The following ANKHD1 variants were observed in gnomAD, a reference collection of about 807,000 sequenced individuals.
The protein encoded by ANKHD1 is ankyrin repeat and KH domain-containing protein 1.
A neutral mutation model predicts 230.5 loss-of-function variants in ANKHD1; 31 were observed. That is an observed-to-expected ratio of 0.13 (90% CI 0.10 to 0.18). ANKHD1 has a LOEUF of 0.18. ANKHD1 is among the 10% of genes least tolerant of loss of function. ANKHD1 has a pLI of 1.00. For synonymous variants in ANKHD1, 1,074 were observed against 1,117.6 expected (o/e 0.96, Z 0.78); for missense variants, 2,256 against 3,071.3 (o/e 0.73, Z 6.27).
intron 15 of ANKHD1, among the ~76,000 whole-genome samples, chr5:140,503,153 TTTTC>T (rs1752378499): frequency 6.6e-6 from 1 of 152,160 alleles, no homozygotes; most frequent in African/African-American, 2.4e-5. Context: ...ATGCTTACAT[TTTTC>T]TTTAAGTCCT....
intron 10 of ANKHD1, among the ~76,000 whole-genome samples, chr5:140,480,748 C>T (rs2127011642): frequency 6.6e-6 from 1 of 152,104 alleles, no homozygotes; most frequent in Admixed American, 6.5e-5. Flanking sequence ...GGAAGATTTG[C>T]AAGTTCAGTT....
In ANKHD1 at chr5:140,464,734, T is replaced by G. The variant is rs1581290960; in HGVS notation, c.1740T>G (p.His580Gln). 5.6e-6 allele frequency: 9 copies of G among 1,609,530 alleles called. No individual in the cohort carries two copies. The highest frequency in any genetic ancestry group is 7.6e-6 in the Non-Finnish European group (9 of 1,176,594). ...TAACCTATGCTTGTGAAAATGGACATACGGATGTTGCAGATGTTTTACTTC... is the reference window on the plus strand; with the variant it reads ...TAACCTATGCTTGTGAAAATGGACAGACGGATGTTGCAGATGTTTTACTTC... ...TALTYACENG[H>Q]TDVADVLLQA... is the part of the protein sequence containing the mutation. Residue 580 changes from histidine to glutamine, a missense_variant, in exon 10 of 34, where the codon CAT becomes CAG. By Grantham distance (24) the His-to-Gln change is conservative (BLOSUM62 0). This residue lies in a region of ANKHD1 where 179 missense variants were observed against 261.8 expected (regional missense o/e 0.68). Transcript: ENST00000360839.
intron 5 of ANKHD1, among the ~76,000 whole-genome samples, chr5:140,442,111 C>T (rs1233424337): frequency 7.0e-6 from 1 of 142,322 alleles, no homozygotes; most frequent in Non-Finnish European, 1.5e-5. Context: ...ACGATCTTGG[C>T]TCACTGCAAC....
chr5:140,519,909 A>G (rs1481329083), intron 24 of ANKHD1, among the ~76,000 whole-genome samples: 2 of 152,032 alleles, frequency 1.3e-5, no homozygotes, highest in African/African-American at 4.8e-5. Context: ...AATGGCAACA[A>G]AAGCCAAAAT....
rs545582742 is a variant in ANKHD1 at position 140,428,660 on chromosome 5, A to C, written c.307-7444A>C. Among the ~76,000 whole-genome samples the C allele has an allele frequency of 3.9e-5, 6 of 152,232 alleles. No homozygotes were observed. The South Asian group carries it at 6.2e-4, about 16-fold the overall frequency. ...GGAGAGGGAGACCGTGGGGAGAGGG[A>C]GAGGGCGAGGGCGAGGGCGAGGTCC... On this transcript the variant is annotated intron_variant, in intron 1 of 33. Transcript: ENST00000360839.
intron 1 of ANKHD1, among the ~76,000 whole-genome samples, chr5:140,413,371 G>T (rs1187692479): frequency 6.6e-6 from 1 of 152,046 alleles, no homozygotes; most frequent in Non-Finnish European, 1.5e-5. Context: ...CACTGTACAT[G>T]TATGTTAAAT....
chr5:140,412,960 C>G (rs994529094), intron 1 of ANKHD1, among the ~76,000 whole-genome samples: 27 of 152,186 alleles, frequency 1.8e-4, no homozygotes, highest in Non-Finnish European at 3.4e-4. Context: ...ACAAAGTTTT[C>G]CACTTACTGA....
intron 1 of ANKHD1, among the ~76,000 whole-genome samples, chr5:140,404,198 G>A (rs909909295): frequency 2.0e-5 from 3 of 152,168 alleles, no homozygotes; most frequent in Admixed American, 1.3e-4. Context: ...AAACGTGAGA[G>A]ATTAAGCTAG....
chr5:140,455,577 C>A (rs1419135636), intron 7 of ANKHD1, among the ~76,000 whole-genome samples: 1 of 152,176 alleles, frequency 6.6e-6, no homozygotes. Context: ...AATCAATAAA[C>A]GTAATCCAGC....
rs1306359179 is a variant in ANKHD1 at position 140,441,865 on chromosome 5, G to A, written c.913+723G>A. 2.0e-5 allele frequency among the ~76,000 whole-genome samples: 3 copies of A among 151,720 alleles called. No individual in the cohort carries two copies. The East Asian group carries it at 5.8e-4, about 29-fold the overall frequency. On this transcript the variant is annotated intron_variant, in intron 5 of 33. Transcript: ENST00000360839. ...CTATATATGTATCTTATAACAACAT[G>A]TCATATACCTTATGTATGTAATATA...
Position 140,509,707 on chromosome 5 carries a change from A to G in ANKHD1, c.3836A>G (p.Lys1279Arg). 6.2e-7 allele frequency: 1 copy of G among 1,613,178 alleles called. No individual in the cohort carries two copies. The highest frequency in any genetic ancestry group is 8.5e-7 in the Non-Finnish European group (1 of 1,179,754). Residue 1279 changes from lysine (K) to arginine (R), a missense_variant, in exon 21 of 34, where the codon AAA (lysine) becomes AGA (arginine). This residue lies in a region of ANKHD1 where 195 missense variants were observed against 340.3 expected (regional missense o/e 0.57). Transcript: ENST00000360839. ...YAEVGRVLLD[K>R]GADVNAPPVP... ...GAGGTTGGAAGAGTTCTTCTTGATAAAGGAGCAGATGTTAATGCTCCCCCT... is the reference window on the plus strand; with the variant it reads ...GAGGTTGGAAGAGTTCTTCTTGATAGAGGAGCAGATGTTAATGCTCCCCCT...
intron 9 of ANKHD1, among the ~76,000 whole-genome samples, chr5:140,463,890 C>T (rs951377908): frequency 1.3e-5 from 2 of 152,040 alleles, no homozygotes; most frequent in South Asian, 4.2e-4. Context: ...TGGTCTCAAA[C>T]TCCTGTGCTC....
In ANKHD1 at chr5:140,523,937, G is replaced by A. The variant is rs556626299; in HGVS notation, c.4318-129G>A. The stretch of plus-strand genomic sequence containing the variant: ...GATGGTGTCCAGTTTATTTTTTCTT[G>A]TTGGCATTTATAAATGTGTTTTGAG... On this transcript the variant is annotated intron_variant, in intron 24 of 33. Coordinates refer to ENST00000360839, the MANE Select transcript of ANKHD1 (RefSeq NM_017747.3). 4.1e-6 allele frequency: 5 copies of A among 1,216,546 alleles called. No homozygotes were observed. In the Admixed American group the frequency reaches 1.5e-4, roughly 37 times the overall value. 75.4% of individuals were successfully genotyped at this position (1,216,546 alleles called of 1,614,324 possible). A position where few individuals can be genotyped will look rare whatever the true frequency, so the allele number is the denominator to read the frequency against.
intron 24 of ANKHD1, among the ~76,000 whole-genome samples, chr5:140,517,378 C>G (rs1444261492): frequency 4.7e-5 from 7 of 150,260 alleles, no homozygotes; most frequent in African/African-American, 1.7e-4. Flanking sequence ...TTAGACAGAT[C>G]AACGAGACAG....
chr5:140,465,022 A>G, intron 10 of ANKHD1: 1 of 235,876 alleles, frequency 4.2e-6, no homozygotes, highest in Non-Finnish European at 8.2e-6. Flanking sequence ...CTCCACCCCC[A>G]TTTGACATTC....
intron 31 of ANKHD1, 115 bp from the exon 32 acceptor site, chr5:140,537,971 G>A: frequency 7.0e-7 from 1 of 1,430,728 alleles, no homozygotes. Flanking sequence ...TACGCTTTGA[G>A]CTCTTCAGAG....
chr5:140,516,463 G>A (rs1425656703), intron 24 of ANKHD1, among the ~76,000 whole-genome samples: 2 of 152,056 alleles, frequency 1.3e-5, no homozygotes, highest in Admixed American at 6.6e-5. Flanking sequence ...GATACTCCTC[G>A]AGAAGAGCGA....
At chr5:140,446,595 A>G (rs1364344419) in intron 6 of ANKHD1, among the ~76,000 whole-genome samples, 1 of 152,118 alleles carries the variant, frequency 6.6e-6, no homozygotes. Context: ...TCCTGACCTC[A>G]AGTGATCCTC....
At chr5:140,427,732 C>T (rs577289439) in intron 1 of ANKHD1, among the ~76,000 whole-genome samples, 6 of 147,638 alleles carry the variant, frequency 4.1e-5, no homozygotes, top group African/African-American at 1.0e-4. Context: ...CGGGCAGAGG[C>T]GCCCCTCACC....
Sources: allele counts gnomAD v4.1 joint callset (sites outside exome capture counted in the v4.1 genomes callset), GRCh38; gene constraint gnomAD v4.1.1; regional missense constraint gnomAD v4.1.1; transcripts MANE v1.5; gene names NCBI Gene and HGNC (gene_info 2026-07-23, HGNC 2026-07-21).